CEP290: variants seen among roughly 807,000 people sequenced by gnomAD.
CEP290 encodes centrosomal protein 290, also known as centrosomal protein of 290 kDa.
In CEP290, 317 loss-of-function variants were observed where a neutral mutation model predicts 344.9. The observed-to-expected ratio is 0.92, with a 90% CI of 0.84 to 1.01. The LOEUF (loss-of-function observed/expected upper bound fraction) is 1.01, where lower values mean the gene tolerates loss of function less well. CEP290 is among the 50% of genes least tolerant of loss of function. The probability of loss-of-function intolerance (pLI) is 0.00; values close to 1 mark genes in which losing one functional copy is unlikely to be tolerated. For synonymous variants in CEP290, 932 were observed against 895.8 expected, an observed-to-expected ratio of 1.04 and a Z score of -0.72; for missense variants, 2,754 against 2,761.4, an observed-to-expected ratio of 1.00 and a Z score of 0.06.
intron 34 of CEP290, among the ~76,000 whole-genome samples, chr12:88,085,124 A>G (rs2036481413): frequency 6.6e-6 from 1 of 152,096 alleles, no homozygotes; most frequent in South Asian, 2.1e-4. Flanking sequence ...TTGAGATATT[A>G]CAGTTTAGAA....
chr12:88,063,906 C>A, intron 45 of CEP290, 75 bp downstream of exon 45: 1 of 1,251,464 alleles, frequency 8.0e-7, no homozygotes, highest in South Asian at 1.6e-5. Flanking sequence ...TCTTAATAAG[C>A]TAATAAAAGT....
Position 88,064,086 on chromosome 12 carries a change from A to AC in CEP290, c.6164dup (p.Cys2055TrpfsTer17). 6.3e-7 allele frequency: 1 copy of AC among 1,578,348 alleles called. No homozygotes were observed. Among genetic ancestry groups the AC allele is most frequent in the Non-Finnish European group, 8.6e-7 (1 of 1,160,706 alleles). On this transcript the variant is annotated frameshift_variant, in exon 45 of 54. Coordinates refer to ENST00000552810, the MANE Select transcript of CEP290 (RefSeq NM_025114.4). LOFTEE classifies it high-confidence loss of function. ...CCTTCTGAAGCTCCTGTTCTCTCTG[A>AC]CAATGATCATCTGACTCTATTCCTG...
chr12:88,098,576 C>T (rs2037633236), intron 26 of CEP290, among the ~76,000 whole-genome samples: 1 of 151,618 alleles, frequency 6.6e-6, no homozygotes, highest in South Asian at 2.1e-4. Context: ...TGTGCAACTG[C>T]ACTCGAGCCT....
At chr12:88,129,653 T>C (rs2039946893) in intron 10 of CEP290, 41 bp downstream of exon 10, 4 of 1,144,230 alleles carry the variant, frequency 3.5e-6, no homozygotes, top group Non-Finnish European at 4.9e-6. Flanking sequence ...TGAGATAATA[T>C]GAAGTCTGAA....
chr12:88,082,830 T>G (rs1467822673), intron 37 of CEP290, among the ~76,000 whole-genome samples: 1 of 152,204 alleles, frequency 6.6e-6, no homozygotes, highest in Non-Finnish European at 1.5e-5. Context: ...CCCCCAGACA[T>G]GCTATTAAGC....
chr12:88,117,291 A>C (rs1775201561), intron 17 of CEP290, 146 bp from the exon 18 acceptor site: 3 of 541,894 alleles, frequency 5.5e-6, no homozygotes, highest in Non-Finnish European at 9.8e-6. Context: ...TACATAGCCA[A>C]TACAAGCTTC....
chr12:88,072,977 A>G (rs1207422773), intron 41 of CEP290, among the ~76,000 whole-genome samples: 1 of 152,158 alleles, frequency 6.6e-6, no homozygotes, highest in Admixed American at 6.5e-5. Flanking sequence ...AGGGCATTTC[A>G]GGGGTAGGTG....
intron 6 of CEP290, among the ~76,000 whole-genome samples, chr12:88,132,171 G>C (rs1169453693): frequency 1.3e-5 from 2 of 152,074 alleles, no homozygotes; most frequent in Non-Finnish European, 2.9e-5. Context: ...TGTGATTCTT[G>C]TTTCTCTGAA....
In CEP290 at chr12:88,106,710, C is replaced by T. The variant is rs961715276; in HGVS notation, c.2782G>A (p.Val928Ile). Residue 928 changes from valine (V) to isoleucine (I), a missense_variant, in exon 25 of 54, where the codon GTT becomes ATT. By Grantham distance (29) the Val-to-Ile change is conservative (BLOSUM62 3). Transcript: ENST00000552810. ...TGCAAACACCCAATTTTTTCACAAA[C>T]TTCAGCCTCCATTGACAACAATTCA... ...KNELLSMEAE[V>I]CEKIGCLQRF... The T allele has an allele frequency of 1.9e-6, 3 of 1,609,546 alleles. No homozygotes were observed. The highest frequency in any genetic ancestry group is 2.5e-6 in the Non-Finnish European group (3 of 1,178,534).
Position 88,121,164 on chromosome 12 carries a change from C to A in CEP290, c.1192G>T (p.Ala398Ser), listed in dbSNP as rs764079993. 1.7e-5 allele frequency: 28 copies of A among 1,609,134 alleles called. No individual in the cohort carries two copies. The South Asian group carries it at 3.1e-4, about 18-fold the overall frequency. ...LKNELQRNKGASTLSQQTHMK... is the reference protein window; with the variant it reads ...LKNELQRNKGSSTLSQQTHMK... ...TGAGTCTGTTGAGAAAGGGTTGAAG[C>A]ACCTACAGAGTAAAAACAAAAATCA... Residue 398 changes from alanine (A) to serine (S), a missense_variant and splice_region_variant, in exon 14 of 54, where the codon GCT (alanine) becomes TCT (serine). Ala to Ser is a moderately conservative substitution (Grantham distance 99, BLOSUM62 1). Coordinates refer to ENST00000552810, the MANE Select transcript of CEP290 (RefSeq NM_025114.4).
At chr12:88,138,712 C>T (rs560909450) in intron 5 of CEP290, among the ~76,000 whole-genome samples, 2 of 152,206 alleles carry the variant, frequency 1.3e-5, no homozygotes, top group East Asian at 3.8e-4. Context: ...AAGGGTATTC[C>T]TCCTTTCAAA....
At chr12:88,077,659 T>C in intron 40 of CEP290, 38 bp downstream of exon 40, 14 of 1,207,232 alleles carry the variant, frequency 1.2e-5, no homozygotes, top group Non-Finnish European at 1.6e-5. Flanking sequence ...ACCTCTATAT[T>C]GTAAATCAGA....
At chr12:88,106,340 A>G (rs1453123311) in intron 25 of CEP290, among the ~76,000 whole-genome samples, 1 of 152,196 alleles carries the variant, frequency 6.6e-6, no homozygotes, top group African/African-American at 2.4e-5. Context: ...GAGATGTAAC[A>G]TCCAAATGCT....
intron 34 of CEP290, among the ~76,000 whole-genome samples, chr12:88,085,330 G>T (rs772405714): frequency 5.9e-5 from 9 of 151,934 alleles, no homozygotes; most frequent in Non-Finnish European, 7.4e-5. Context: ...GAAAAAAACA[G>T]AAAAATTTTT....
At chr12:88,062,030 C>A (rs1396935817) in intron 46 of CEP290, among the ~76,000 whole-genome samples, 1 of 152,152 alleles carries the variant, frequency 6.6e-6, no homozygotes, top group East Asian at 1.9e-4. Context: ...CTGCCCGCCT[C>A]GGCCTCCCAA....
rs753367041 is a variant in CEP290, at chr12:88,121,110, A to C, written c.1246T>G (p.Leu416Val). 6.2e-7 allele frequency: 1 copy of C among 1,613,504 alleles called. No individual in the cohort carries two copies. Among genetic ancestry groups the C allele is most frequent in the South Asian group, 1.1e-5 (1 of 91,056 alleles). ...TCAGCCTCTTTAGTTTTCTCTTTTA[A>C]AATGTCTAACGTTGACTGAATTTTC... ...HMKIQSTLDI[L>V]KEKTKEAERT... is the part of the protein sequence containing the mutation. The change falls in exon 14 of 54, where the codon TTA becomes GTA. Residue 416 changes from leucine to valine, a missense_variant. Coordinates refer to ENST00000552810, the MANE Select transcript of CEP290 (RefSeq NM_025114.4).
At chr12:88,086,271 CTT>C (rs2137216305) in intron 33 of CEP290, 98 bp from the exon 34 acceptor site, 2 of 1,464,758 alleles carry the variant, frequency 1.4e-6, no homozygotes, top group Admixed American at 2.3e-5. Flanking sequence ...TTAAACCCCT[CTT>C]ATATTTTAAA....
chr12:88,060,807 AT>A, intron 47 of CEP290, 22 bp downstream of exon 47: 1 of 1,440,576 alleles, frequency 6.9e-7, no homozygotes, highest in Non-Finnish European at 9.2e-7. Flanking sequence ...TCCCCTAAAA[AT>A]GATCACATTA....
At position 88,067,307 on chromosome 12, in the gene CEP290, T is replaced by C. The variant is rs924586467; in HGVS notation, c.6135+1215A>G. On this transcript the variant is annotated intron_variant, in intron 44 of 53. Coordinates refer to ENST00000552810, the MANE Select transcript of CEP290 (RefSeq NM_025114.4). ...TAGAGCTTAAGATAAAGTTTACTAA[T>C]AGTTAATGCTTTTTCTAAATCTTAC... is the stretch of plus-strand genomic sequence containing the variant. 2.4e-4 allele frequency among the ~76,000 whole-genome samples: 37 copies of C among 152,190 alleles called. 1 individual carries two copies. Among genetic ancestry groups the C allele is most frequent in the African/African-American group, 8.9e-4 (37 of 41,456 alleles).
Sources: gnomAD v4.1 joint callset for allele counts (sites outside exome capture counted in the v4.1 genomes callset) on GRCh38, gnomAD v4.1.1 for gene constraint, MANE v1.5 for transcripts, NCBI Gene and HGNC (gene_info 2026-07-23, HGNC 2026-07-21) for gene names.